Variants in RALYL observed in about 807,000 individuals in gnomAD.
RALYL encodes RALY RNA binding protein like, also known as RNA-binding Raly-like protein.
Under a neutral mutation model 35.1 loss-of-function variants are expected in RALYL, and 29 were observed. The observed-to-expected ratio is 0.83, with a 90% CI of 0.61 to 1.13. The LOEUF is 1.13. RALYL is among the 50% of genes most tolerant of loss of function. The pLI is 0.00. For missense variants in RALYL, 359 were observed against 360.4 expected, an observed-to-expected ratio of 1.00 and a Z score of 0.03; for synonymous variants, 120 against 127.6, an observed-to-expected ratio of 0.94 and a Z score of 0.40.
intron 3 of RALYL, among the ~76,000 whole-genome samples, chr8:84,795,317 C>A (rs1459808401): frequency 6.6e-6 from 1 of 152,164 alleles, no homozygotes; most frequent in Non-Finnish European, 1.5e-5. Flanking sequence ...AATCAGACTG[C>A]CTGAGTTATC....
intron 4 of RALYL, among the ~76,000 whole-genome samples, chr8:84,815,591 C>T (rs946512127): frequency 1.3e-5 from 2 of 151,582 alleles, no homozygotes; most frequent in African/African-American, 2.4e-5. Flanking sequence ...TTTGGGGGCT[C>T]ATATTCCAAT....
intron 2 of RALYL, among the ~76,000 whole-genome samples, chr8:84,603,717 A>G (rs1816492684): frequency 6.6e-6 from 1 of 152,104 alleles, no homozygotes; most frequent in Admixed American, 6.6e-5. Context: ...ACAGACCTAA[A>G]TAATAAGTAA....
intron 3 of RALYL, among the ~76,000 whole-genome samples, chr8:84,802,417 C>T (rs1479950702): frequency 6.6e-6 from 1 of 152,150 alleles, no homozygotes; most frequent in Non-Finnish European, 1.5e-5. Flanking sequence ...CTTTGAATTT[C>T]TTCTGAAGTC....
intron 2 of RALYL, among the ~76,000 whole-genome samples, chr8:84,674,418 G>T (rs548528084): frequency 6.6e-6 from 1 of 152,264 alleles, no homozygotes; most frequent in East Asian, 1.9e-4. Context: ...ATATTGAATA[G>T]AAATGGTGAG....
chr8:84,609,601 C>T (rs144108784), intron 2 of RALYL, among the ~76,000 whole-genome samples: 35 of 152,222 alleles, frequency 2.3e-4, no homozygotes, highest in African/African-American at 7.0e-4. Context: ...TTTTTTAAAA[C>T]GATTTTTTGA....
chr8:84,599,115 T>C (rs1460162752), intron 2 of RALYL, among the ~76,000 whole-genome samples: 1 of 152,114 alleles, frequency 6.6e-6, no homozygotes, highest in Non-Finnish European at 1.5e-5. Context: ...TAAGATTATT[T>C]AGATGTAAAA....
At chr8:84,876,184 CA>C (rs1443475839) in intron 7 of RALYL, among the ~76,000 whole-genome samples, 3 of 152,120 alleles carry the variant, frequency 2.0e-5, no homozygotes, top group African/African-American at 7.2e-5. Flanking sequence ...TAACTCTACC[CA>C]ACACCAGGTA....
chr8:84,642,553 T>TA (rs1826596904), intron 2 of RALYL, among the ~76,000 whole-genome samples: 1 of 152,052 alleles, frequency 6.6e-6, no homozygotes, highest in Admixed American at 6.6e-5. Context: ...ACTCTCTAGT[T>TA]ACAGATTCAC....
intron 1 of RALYL, among the ~76,000 whole-genome samples, chr8:84,411,467 C>G (rs1353553197): frequency 6.6e-6 from 1 of 151,840 alleles, no homozygotes; most frequent in Non-Finnish European, 1.5e-5. Context: ...TCAAATCCAT[C>G]AATATGGGGA....
At chr8:84,318,822 C>T (rs1350237786) in intron 1 of RALYL, among the ~76,000 whole-genome samples, 1 of 152,056 alleles carries the variant, frequency 6.6e-6, no homozygotes, top group Non-Finnish European at 1.5e-5. Context: ...TTCTATGAAG[C>T]ATGTCCATTA....
chr8:84,375,478 T>C (rs571780596), intron 1 of RALYL, among the ~76,000 whole-genome samples: 1 of 151,834 alleles, frequency 6.6e-6, no homozygotes, highest in Non-Finnish European at 1.5e-5. Context: ...ATAAAGTAGG[T>C]ATTTTATACC....
intron 1 of RALYL, among the ~76,000 whole-genome samples, chr8:84,225,751 G>C (rs1260133467): frequency 6.6e-6 from 1 of 151,958 alleles, no homozygotes; most frequent in Non-Finnish European, 1.5e-5. Flanking sequence ...TTTATTTCCT[G>C]TGTTACACTT....
At chr8:84,288,545 T>C (rs1324635548) in intron 1 of RALYL, among the ~76,000 whole-genome samples, 1 of 152,208 alleles carries the variant, frequency 6.6e-6, no homozygotes, top group Non-Finnish European at 1.5e-5. Flanking sequence ...ATCTTTTTTC[T>C]GCATTTTTAG....
intron 1 of RALYL, among the ~76,000 whole-genome samples, chr8:84,347,101 T>C (rs1849977314): frequency 6.6e-6 from 1 of 151,952 alleles, no homozygotes; most frequent in Admixed American, 6.6e-5. Flanking sequence ...CCTGGGAGGC[T>C]GAGGCAGGAG....
At chr8:84,596,858 G>A (rs1215760985) in intron 2 of RALYL, among the ~76,000 whole-genome samples, 1 of 151,842 alleles carries the variant, frequency 6.6e-6, no homozygotes, top group Non-Finnish European at 1.5e-5. Flanking sequence ...TCTATCCTGG[G>A]ACTTGATTTG....
intron 2 of RALYL, among the ~76,000 whole-genome samples, chr8:84,698,980 C>T (rs952446991): frequency 6.6e-6 from 1 of 150,794 alleles, no homozygotes; most frequent in Non-Finnish European, 1.5e-5. Flanking sequence ...ACTCACAACC[C>T]TGTGGCTTTT....
At chr8:84,227,347 C>T (rs1805756571) in intron 1 of RALYL, among the ~76,000 whole-genome samples, 1 of 142,740 alleles carries the variant, frequency 7.0e-6, no homozygotes, top group Admixed American at 7.1e-5. Context: ...CGTGAGCCAC[C>T]ACGTCTGGCA....
chr8:84,905,868 C>G (rs1231388285), intron 8 of RALYL, among the ~76,000 whole-genome samples: 1 of 151,962 alleles, frequency 6.6e-6, no homozygotes, highest in Non-Finnish European at 1.5e-5. Flanking sequence ...AGTAATACTC[C>G]TGTTTCCTAC....
chr8:84,420,506 C>T (rs1035184044), intron 1 of RALYL, among the ~76,000 whole-genome samples: 3 of 149,616 alleles, frequency 2.0e-5, no homozygotes, highest in South Asian at 4.3e-4. Flanking sequence ...TGCCTGTTCA[C>T]TCTGATGGTA....
Sources: gnomAD v4.1 joint callset for allele counts (sites outside exome capture counted in the v4.1 genomes callset) on GRCh38, gnomAD v4.1.1 for gene constraint, MANE v1.5 for transcripts, NCBI Gene and HGNC (gene_info 2026-07-23, HGNC 2026-07-21) for gene names.